CYFIP2: variants seen among roughly 807,000 people sequenced by gnomAD.
CYFIP2 encodes the protein cytoplasmic FMR1 interacting protein 2, also known as cytoplasmic FMR1-interacting protein 2.
Under a neutral mutation model 158.7 loss-of-function variants are expected in CYFIP2, and 29 were observed. That is an observed-to-expected ratio of 0.18 (90% CI 0.14 to 0.25). CYFIP2 has a LOEUF of 0.25. Ranked by LOEUF, CYFIP2 falls within the 10% of genes least tolerant of loss-of-function variation. The pLI, the probability that CYFIP2 is intolerant of heterozygous loss-of-function variation, is 1.00. For synonymous variants in CYFIP2, 585 were observed against 617.6 expected (o/e 0.95, Z 0.78); for missense variants, 852 against 1,639.5 (o/e 0.52, Z 8.29).
chr5:157,284,964 T>G (rs1442212372), intron 1 of CYFIP2, among the ~76,000 whole-genome samples: 1 of 152,210 alleles, frequency 6.6e-6, no homozygotes, highest in African/African-American at 2.4e-5. Flanking sequence ...GTGGAGAAAC[T>G]AACCATGACC....
chr5:157,319,548 G>T (rs1168451382), intron 13 of CYFIP2, among the ~76,000 whole-genome samples: 1 of 152,224 alleles, frequency 6.6e-6, no homozygotes, highest in African/African-American at 2.4e-5. Context: ...TTTGTGTTTT[G>T]TAGCAAGACT....
chr5:157,282,341 A>G (rs1757053028), intron 1 of CYFIP2, among the ~76,000 whole-genome samples: 1 of 152,130 alleles, frequency 6.6e-6, no homozygotes, highest in South Asian at 2.1e-4. Flanking sequence ...AAATGACCAG[A>G]TCTCCTGTGA....
intron 26 of CYFIP2, chr5:157,364,788 T>C (rs1764211152): frequency 6.6e-6 from 1 of 151,296 alleles, no homozygotes; most frequent in African/African-American, 2.4e-5. Flanking sequence ...AATTTTTAAA[T>C]GACATACCAA....
chr5:157,362,710 A>G (rs963854685), intron 26 of CYFIP2: 5 of 152,210 alleles, frequency 3.3e-5, no homozygotes, highest in African/African-American at 4.8e-5. Flanking sequence ...ATTTACACCG[A>G]AATCATGTGT....
intron 5 of CYFIP2, among the ~76,000 whole-genome samples, chr5:157,298,742 G>A (rs1012751138): frequency 3.9e-5 from 6 of 152,100 alleles, no homozygotes; most frequent in Non-Finnish European, 2.9e-5. Flanking sequence ...GTCTCAGCCC[G>A]AGGCAACCAC....
At chr5:157,322,832 G>T in intron 15 of CYFIP2, 1 of 1,188,024 alleles carries the variant, frequency 8.4e-7, no homozygotes, top group Non-Finnish European at 1.2e-6. Flanking sequence ...CTTTCCCACC[G>T]TATACAATAC....
intron 4 of CYFIP2, among the ~76,000 whole-genome samples, chr5:157,295,075 A>G (rs1486702067): frequency 1.3e-5 from 2 of 152,194 alleles, no homozygotes; most frequent in Non-Finnish European, 2.9e-5. Context: ...CATTTGTTCA[A>G]TATATTTTAT....
intron 23 of CYFIP2, among the ~76,000 whole-genome samples, chr5:157,347,840 G>A (rs1211336092): frequency 1.3e-5 from 2 of 152,222 alleles, no homozygotes; most frequent in East Asian, 1.9e-4. Flanking sequence ...TCCTCAGACC[G>A]CTTGACTGAT....
chr5:157,329,746 C>A (rs1761297085), intron 19 of CYFIP2, among the ~76,000 whole-genome samples: 2 of 152,212 alleles, frequency 1.3e-5, no homozygotes, highest in South Asian at 4.2e-4. Flanking sequence ...GTTTACAGCC[C>A]ATCTCAATTT....
chr5:157,342,910 C>G lies in CYFIP2; in HGVS notation c.2673+1753C>G, dbSNP rs750878522. 5 of 1,614,144 alleles carry G rather than the reference C, an allele frequency of 3.1e-6. No individual in the cohort carries two copies. The highest frequency in any genetic ancestry group is 4.2e-6 in the Non-Finnish European group (5 of 1,179,990). ...TAGCGGGTGGGTCACCACCCCCCCT[C>G]TGTAAGGCACCCGCATCAGGGGCAT... On this transcript the variant is annotated intron_variant, in intron 23 of 30. Coordinates refer to ENST00000620254, the MANE Select transcript of CYFIP2 (RefSeq NM_001037333.3).
In CYFIP2 at chr5:157,379,439, G is replaced by A. The variant is rs557884671; in HGVS notation, c.3040-3151G>A. 1.3e-3 allele frequency among the ~76,000 whole-genome samples: 196 copies of A among 151,614 alleles called. 1 individual carries two copies. Among genetic ancestry groups the A allele is most frequent in the African/African-American group, 4.2e-3 (172 of 41,354 alleles). On this transcript the variant is annotated intron_variant, in intron 26 of 30. Coordinates refer to ENST00000620254, the MANE Select transcript of CYFIP2 (RefSeq NM_001037333.3). ...AAAAATTGATAAGCTGAATAGTGCT[G>A]TATCTATTAAAGAAATATCATTCCT...
intron 26 of CYFIP2, among the ~76,000 whole-genome samples, chr5:157,370,781 A>G (rs1243996500): frequency 1.3e-5 from 2 of 152,246 alleles, no homozygotes; most frequent in African/African-American, 4.8e-5. Flanking sequence ...TTTCCTGGCT[A>G]TAGATCTTTT....
At position 157,314,427 on chromosome 5, in the gene CYFIP2, G is replaced by C. The variant is rs779176531; in HGVS notation, c.1194G>C (p.Gln398His). The C allele has an allele frequency of 9.9e-6, 16 of 1,613,782 alleles. No individual in the cohort carries two copies. In the Admixed American group the frequency reaches 2.5e-4, roughly 25 times the overall value. The change falls in exon 12 of 31, where the codon CAG (glutamine) becomes CAC (histidine). Residue 398 changes from glutamine to histidine, a missense_variant. This residue lies in a region of CYFIP2 where 10 missense variants were observed against 40.4 expected (regional missense o/e 0.25). Transcript: ENST00000620254. The stretch of plus-strand genomic sequence containing the variant: ...TCGACCTAGCCCTGCGGGGTCTGCA[G>C]CTTCTATCCAAGTGGAGCGCCCACG... ...ELFDLALRGL[Q>H]LLSKWSAHVM...
At chr5:157,310,304 G>T (rs1452369080) in intron 10 of CYFIP2, among the ~76,000 whole-genome samples, 1 of 152,210 alleles carries the variant, frequency 6.6e-6, no homozygotes, top group Non-Finnish European at 1.5e-5. Context: ...GCAAAGGCCT[G>T]GGGTGTCAGT....
intron 3 of CYFIP2, among the ~76,000 whole-genome samples, chr5:157,290,949 G>A (rs570702401): frequency 2.0e-5 from 3 of 152,266 alleles, no homozygotes; most frequent in African/African-American, 4.8e-5. Context: ...TTCTTTGCTG[G>A]GGTGAGATGG....
intron 26 of CYFIP2, among the ~76,000 whole-genome samples, chr5:157,373,130 T>C (rs1765146362): frequency 6.6e-6 from 1 of 152,156 alleles, no homozygotes; most frequent in South Asian, 2.1e-4. Context: ...AACTCCCAAC[T>C]TTGACCCACA....
intron 13 of CYFIP2, among the ~76,000 whole-genome samples, chr5:157,317,180 A>G (rs1760218087): frequency 6.6e-6 from 1 of 152,240 alleles, no homozygotes; most frequent in Non-Finnish European, 1.5e-5. Flanking sequence ...TCGTCATCCA[A>G]GCACAACCAC....
chr5:157,277,683 G>T (rs867376037), intron 1 of CYFIP2, among the ~76,000 whole-genome samples: 4 of 152,228 alleles, frequency 2.6e-5, no homozygotes, highest in Non-Finnish European at 5.9e-5. Flanking sequence ...TTGATTGCTG[G>T]TGGCTTCCTG....
chr5:157,281,646 A>G (rs933398529), intron 1 of CYFIP2, among the ~76,000 whole-genome samples: 1 of 152,174 alleles, frequency 6.6e-6, no homozygotes, highest in Non-Finnish European at 1.5e-5. Context: ...CAATAGTACA[A>G]CATATATATA....
Sources: allele counts gnomAD v4.1 joint callset (sites outside exome capture counted in the v4.1 genomes callset), GRCh38; gene constraint gnomAD v4.1.1; regional missense constraint gnomAD v4.1.1; transcripts MANE v1.5; gene names NCBI Gene and HGNC (gene_info 2026-07-23, HGNC 2026-07-21).